PLAAT2: variants seen among roughly 807,000 people sequenced by gnomAD.
PLAAT2 encodes the protein phospholipase A and acyltransferase 2, also known as HRAS like suppressor 2.
In PLAAT2, 12 loss-of-function variants were observed where a neutral mutation model predicts 12.8. That is an observed-to-expected ratio of 0.94 (90% CI 0.60 to 1.52). The LOEUF (loss-of-function observed/expected upper bound fraction) is 1.52, where lower values mean the gene tolerates loss of function less well. Among genes scored for constraint, PLAAT2 ranks in the 40% most tolerant of loss-of-function variants. The probability of loss-of-function intolerance (pLI) is 0.00; values close to 1 mark genes in which losing one functional copy is unlikely to be tolerated. For missense variants in PLAAT2, 166 were observed against 208.1 expected (o/e 0.80, Z 1.24); for synonymous variants, 79 against 86.8 (o/e 0.91, Z 0.50).
chr11:63,556,575 ATGTCCCACCG>A (rs2017468662), intron 3 of PLAAT2, among the ~76,000 whole-genome samples: 1 of 152,096 alleles, frequency 6.6e-6, no homozygotes, highest in African/African-American at 2.4e-5. Context: ...GTACCAGAGC[ATGTCCCACCG>A]TGCCCCAGTG....
rs369179237 is a variant in PLAAT2, at chr11:63,562,856, C to T, written c.9+460G>A. Among the ~76,000 whole-genome samples the T allele has an allele frequency of 9.1e-4, 139 of 152,214 alleles. 3 individuals are homozygous for T. In the South Asian group the frequency reaches 0.027, roughly 29 times the overall value. ...TGCCTGGAGGCGAGGGAGACAGAGC[C>T]CTTTCTGACAGCCCCCATTGCCACC... On this transcript the variant is annotated intron_variant, in intron 1 of 3. Coordinates refer to ENST00000255695, the MANE Select transcript of PLAAT2 (RefSeq NM_017878.2).
chr11:63,558,889 A>C (rs2017493599), intron 2 of PLAAT2, among the ~76,000 whole-genome samples: 1 of 152,244 alleles, frequency 6.6e-6, no homozygotes, highest in Non-Finnish European at 1.5e-5. Flanking sequence ...TGAGCTCTAA[A>C]GGACCATGTG....
Position 63,560,142 on chromosome 11 carries a change from AG to A in PLAAT2, c.60del (p.Tyr21MetfsTer34). 1 of 1,613,962 alleles carries A rather than the reference AG, an allele frequency of 6.2e-7. No individual in the cohort carries two copies. Among genetic ancestry groups the A allele is most frequent in the Non-Finnish European group, 8.5e-7 (1 of 1,179,912 alleles). On this transcript the variant is annotated frameshift_variant, in exon 2 of 4. Transcript: ENST00000255695. LOFTEE classifies it high-confidence loss of function. ...CCCACGTAGATGGCCCAGTGTGCAT[AG>A]CCAAAGCGAGAAATCTCAATCAGGT... ...LGDLIEISRF[G>X]YAHWAIYVGD... is the part of the protein sequence containing the mutation.
chr11:63,564,834 C>T (rs1194706271), upstream of PLAAT2, among the ~76,000 whole-genome samples: 2 of 152,024 alleles, frequency 1.3e-5, no homozygotes, highest in Admixed American at 6.5e-5. Flanking sequence ...CTTGCAACCA[C>T]ATCACACCCC....
chr11:63,558,353 G>A, intron 3 of PLAAT2, 39 bp downstream of exon 3: 1 of 1,604,688 alleles, frequency 6.2e-7, no homozygotes, highest in Non-Finnish European at 8.5e-7. Flanking sequence ...TGAGGGAGTG[G>A]CCTGGCTCCT....
chr11:63,561,464 T>G (rs2017517453), intron 1 of PLAAT2, among the ~76,000 whole-genome samples: 1 of 151,694 alleles, frequency 6.6e-6, no homozygotes, highest in Non-Finnish European at 1.5e-5. Flanking sequence ...GCCAACATGG[T>G]GAAACCCCCA....
chr11:63,558,035 A>G (rs1004304843), intron 3 of PLAAT2, among the ~76,000 whole-genome samples: 2 of 152,144 alleles, frequency 1.3e-5, no homozygotes, highest in African/African-American at 4.8e-5. Context: ...AGACTCAATA[A>G]CTAGGAGTTT....
chr11:63,557,027 C>T (rs1462847015), intron 3 of PLAAT2, among the ~76,000 whole-genome samples: 1 of 152,130 alleles, frequency 6.6e-6, no homozygotes, highest in East Asian at 1.9e-4. Flanking sequence ...GACAATAACA[C>T]CTGGCTCGGC....
At chr11:63,553,683 T>C (rs1015217707) in intron 3 of PLAAT2, among the ~76,000 whole-genome samples, 1 of 152,074 alleles carries the variant, frequency 6.6e-6, no homozygotes, top group African/African-American at 2.4e-5. Flanking sequence ...GCAAAAAGCA[T>C]AGTAAACCCC....
At chr11:63,562,751 TG>T (rs1452085004) in intron 1 of PLAAT2, among the ~76,000 whole-genome samples, 21 of 152,172 alleles carry the variant, frequency 1.4e-4, no homozygotes, top group African/African-American at 4.3e-4. Flanking sequence ...ACTTGGGAAA[TG>T]TGGCTGCTAT....
At chr11:63,557,021 A>G (rs904964499) in intron 3 of PLAAT2, among the ~76,000 whole-genome samples, 5 of 152,226 alleles carry the variant, frequency 3.3e-5, no homozygotes, top group African/African-American at 9.6e-5. Flanking sequence ...TGGTTTGACA[A>G]TAACACCTGG....
upstream of PLAAT2, among the ~76,000 whole-genome samples, chr11:63,564,873 T>A (rs1232658744): frequency 1.3e-5 from 2 of 152,122 alleles, no homozygotes; most frequent in African/African-American, 2.4e-5. Context: ...GACTTCCACG[T>A]GCTGTCTGCT....
At chr11:63,558,701 G>T (rs1335037659) in intron 2 of PLAAT2, 41 bp from the exon 3 acceptor site, 2 of 1,603,170 alleles carry the variant, frequency 1.2e-6, no homozygotes, top group African/African-American at 1.3e-5. Flanking sequence ...GGGCCTGGGG[G>T]GCTCAGAGCT....
At chr11:63,563,498 C>A (rs2017536950), upstream of PLAAT2, 2 of 670,434 alleles carry the variant, frequency 3.0e-6, no homozygotes, top group Admixed American at 4.9e-5. Context: ...GCGGGAGGAT[C>A]ACAAGGTCAG....
chr11:63,560,873 G>A (rs1317786376), intron 1 of PLAAT2, among the ~76,000 whole-genome samples: 1 of 152,220 alleles, frequency 6.6e-6, no homozygotes, highest in African/African-American at 2.4e-5. Context: ...CTGAGCTCAG[G>A]CTAAAATTAA....
intron 3 of PLAAT2, among the ~76,000 whole-genome samples, chr11:63,553,597 C>T (rs2017438149): frequency 6.6e-6 from 1 of 152,118 alleles, no homozygotes; most frequent in African/African-American, 2.4e-5. Flanking sequence ...TTGCAGTGAG[C>T]CAAGATTGCA....
upstream of PLAAT2, among the ~76,000 whole-genome samples, chr11:63,564,381 G>C (rs1204765085): frequency 6.6e-6 from 1 of 151,440 alleles, no homozygotes; most frequent in African/African-American, 2.4e-5. Flanking sequence ...GAAGGGGTGG[G>C]TGGGGCTGGG....
chr11:63,557,055 A>G (rs191767946), intron 3 of PLAAT2, among the ~76,000 whole-genome samples: 1 of 152,354 alleles, frequency 6.6e-6, no homozygotes, highest in Non-Finnish European at 1.5e-5. Flanking sequence ...ACTACACGGA[A>G]GACATTTTTC....
At chr11:63,553,691 C>T (rs577976074) in intron 3 of PLAAT2, among the ~76,000 whole-genome samples, 2 of 152,180 alleles carry the variant, frequency 1.3e-5, no homozygotes, top group South Asian at 4.2e-4. Context: ...CATAGTAAAC[C>T]CCCAGCAAGG....
Sources: gnomAD v4.1 joint callset for allele counts (sites outside exome capture counted in the v4.1 genomes callset) on GRCh38, gnomAD v4.1.1 for gene constraint, MANE v1.5 for transcripts, NCBI Gene and HGNC (gene_info 2026-07-23, HGNC 2026-07-21) for gene names.